Variants in KCNA7 observed in about 807,000 individuals in gnomAD.
KCNA7 encodes potassium voltage-gated channel subfamily A member 7.
Under a neutral mutation model 21.5 loss-of-function variants are expected in KCNA7, and 15 were observed. That is an observed-to-expected ratio of 0.70 (90% CI 0.47 to 1.07). KCNA7 has a LOEUF of 1.07. KCNA7 is among the 50% of genes least tolerant of loss of function. The pLI is 0.00. For missense variants in KCNA7, 640 were observed against 651.6 expected (o/e 0.98, Z 0.19); for synonymous variants, 298 against 291.0 (o/e 1.02, Z -0.24).
rs1356006673 is a variant in KCNA7 at position 49,067,517 on chromosome 19, A to G, written c.*2546T>C. 1 of 152,238 alleles carries G rather than the reference A, an allele frequency of 6.6e-6. No individual in the cohort carries two copies. Among genetic ancestry groups the G allele is most frequent in the Middle Eastern group, 3.2e-3 (1 of 316 alleles). 9.4% of individuals were successfully genotyped at this position (152,238 alleles called of 1,614,324 possible). A position where few individuals can be genotyped will look rare whatever the true frequency, so the allele number is the denominator to read the frequency against. ...CTCTAAATGCCCTTTGAGTTCTGAA[A>G]GATTTCTGAAAATGTTCGGCCTTGT... On this transcript the variant is annotated 3_prime_UTR_variant, in exon 2 of 2. Coordinates refer to ENST00000221444, the MANE Select transcript of KCNA7 (RefSeq NM_031886.3).
In KCNA7 at chr19:49,072,227, A is replaced by G; in HGVS notation, c.359T>C (p.Leu120Pro). 1 of 1,601,416 alleles carries G rather than the reference A, an allele frequency of 6.2e-7. No individual in the cohort carries two copies. The highest frequency in any genetic ancestry group is 8.5e-7 in the Non-Finnish European group (1 of 1,174,590). ...EGCPVPPERPLPRRAFARQLW... is the reference protein window; with the variant it reads ...EGCPVPPERPPPRRAFARQLW... ...CTGGCGGGCGAAGGCGCGGCGGGGCAGGGGGCGCTCGGGCGGCACCGGGCA... is the reference window on the plus strand; with the variant it reads ...CTGGCGGGCGAAGGCGCGGCGGGGCGGGGGGCGCTCGGGCGGCACCGGGCA... The change falls in exon 1 of 2, where the codon CTG becomes CCG. Residue 120 changes from leucine (L) to proline (P), a missense_variant. Coordinates refer to ENST00000221444, the MANE Select transcript of KCNA7 (RefSeq NM_031886.3).
At position 49,070,045 on chromosome 19, in the gene KCNA7, G is replaced by T. The variant is rs761166864; in HGVS notation, c.*18C>A. The T allele has an allele frequency of 1.3e-6, 2 of 1,565,724 alleles. No individual in the cohort carries two copies. The highest frequency in any genetic ancestry group is 2.3e-5 in the South Asian group (2 of 85,494). ...TCCCTCTAGGGAGGTGTGAGGTCCT[G>T]CAGACCTCAACTGTTCCTCACACTT... On this transcript the variant is annotated 3_prime_UTR_variant, in exon 2 of 2. Coordinates refer to ENST00000221444, the MANE Select transcript of KCNA7 (RefSeq NM_031886.3). The surrounding 1 kb of genome is among the most constrained non-coding windows in gnomAD (Gnocchi z 4.3).
In KCNA7 at chr19:49,070,936, C is replaced by T. The variant is rs2040253560; in HGVS notation, c.556-58G>A. ...GCTGGGGCTAGGACACGGGGACAGC[C>T]TTAATCATCATTTAAATACCCAGCT... On this transcript the variant is annotated intron_variant, in intron 1 of 1. Transcript: ENST00000221444. This position sits in a 1 kb window ranked among gnomAD's most constrained non-coding sequence, Gnocchi z 4.3. The T allele has an allele frequency of 7.0e-7, 1 of 1,419,038 alleles. No individual in the cohort carries two copies. The highest frequency in any genetic ancestry group is 1.4e-5 in the African/African-American group (1 of 69,552). The allele number at this position is 1,419,038 out of a possible 1,614,324, so 87.9% of individuals were successfully genotyped here.
Position 49,070,282 on chromosome 19 carries a change from C to A in KCNA7, c.1152G>T (p.Leu384=). 1 of 1,614,022 alleles carries A rather than the reference C, an allele frequency of 6.2e-7. No individual in the cohort carries two copies. Among genetic ancestry groups the A allele is most frequent in the Non-Finnish European group, 8.5e-7 (1 of 1,179,924 alleles). ...VGSLCAIAGV[L]TISLPVPVIV... The stretch of plus-strand genomic sequence containing the variant: ...TGACGGGCACTGGCAGGGAAATAGT[C>A]AGCACGCCCGCAATGGCACACAGAG... Residue 384 remains leucine, a synonymous_variant, in exon 2 of 2, where the codon CTG becomes CTT. Transcript: ENST00000221444. This position sits in a 1 kb window ranked among gnomAD's most constrained non-coding sequence, Gnocchi z 4.3.
At position 49,067,568 on chromosome 19, in the gene KCNA7, G is replaced by A. The variant is rs569053859; in HGVS notation, c.*2495C>T. The A allele has an allele frequency of 6.6e-6, 1 of 152,304 alleles. No homozygotes were observed. Among genetic ancestry groups the A allele is most frequent in the Admixed American group, 6.5e-5 (1 of 15,310 alleles). 9.4% of individuals were successfully genotyped at this position (152,304 alleles called of 1,614,324 possible). ...GACCTTGGGTAACACCTGCTGCTCT[G>A]AGCCTCAGTTTCCCCGTCTGTAAGA... On this transcript the variant is annotated 3_prime_UTR_variant, in exon 2 of 2. Coordinates refer to ENST00000221444, the MANE Select transcript of KCNA7 (RefSeq NM_031886.3).
rs1304541920 is a variant in KCNA7 at position 49,070,736 on chromosome 19, C to T, written c.698G>A (p.Ser233Asn). ...ELLVRLLVCP[S>N]KAIFFKNVMN... ...CACGTTCTTGAAGAAGATAGCCTTG[C>T]TTGGACAGACCAGGAGGCGTACCAG... Residue 233 changes from serine to asparagine, a missense_variant, in exon 2 of 2, where the codon AGC becomes AAC. Coordinates refer to ENST00000221444, the MANE Select transcript of KCNA7 (RefSeq NM_031886.3). The surrounding 1 kb of genome is among the most constrained non-coding windows in gnomAD (Gnocchi z 4.3). The T allele has an allele frequency of 3.1e-6, 5 of 1,614,058 alleles. No homozygotes were observed. The Admixed American group carries it at 8.3e-5, about 27-fold the overall frequency.
intron 1 of KCNA7, 109 bp downstream of exon 1, chr19:49,071,922 C>G: frequency 3.9e-6 from 2 of 515,450 alleles, no homozygotes; most frequent in Non-Finnish European, 6.2e-6. Context: ...CTTCGGCTGG[C>G]CCACCCCTCG....
rs886849792 is a variant in KCNA7 at position 49,072,627 on chromosome 19, C to T, written c.-42G>A. 4 of 1,114,236 alleles carry T rather than the reference C, an allele frequency of 3.6e-6. No homozygotes were observed. In the African/African-American group the frequency reaches 6.7e-5, roughly 19 times the overall value. 69.0% of individuals were successfully genotyped at this position (1,114,236 alleles called of 1,614,324 possible). The stretch of plus-strand genomic sequence containing the variant: ...GCGACCCGCGAACCGACGTGTGGCC[C>T]CGACGCCCGGCCCCGGTGCGGCCCC... On this transcript the variant is annotated 5_prime_UTR_variant, in exon 1 of 2. Coordinates refer to ENST00000221444, the MANE Select transcript of KCNA7 (RefSeq NM_031886.3).
rs1197217627 is a variant in KCNA7, at chr19:49,070,498, C to T, written c.936G>A (p.Leu312=). 1 of 1,614,030 alleles carries T rather than the reference C, an allele frequency of 6.2e-7. No individual in the cohort carries two copies. Among genetic ancestry groups the T allele is most frequent in the East Asian group, 2.2e-5 (1 of 44,888 alleles). Residue 312 remains leucine, a synonymous_variant, in exon 2 of 2, where the codon CTG becomes CTA. Transcript: ENST00000221444. This position sits in a 1 kb window ranked among gnomAD's most constrained non-coding sequence, Gnocchi z 4.3. The part of the protein sequence containing the change: ...GQTLRASMRE[L]GLLIFFLFIG... ...TGAAGAGGAAAAAGATGAGGAGGCC[C>T]AGCTCACGCATGGAGGCCCGAAGCG...
intron 1 of KCNA7, among the ~76,000 whole-genome samples, chr19:49,071,440 C>T (rs980173131): frequency 6.6e-6 from 1 of 152,090 alleles, no homozygotes; most frequent in Non-Finnish European, 1.5e-5. Flanking sequence ...CCTGTAATCC[C>T]AGCTACTTGG....
Position 49,072,507 on chromosome 19 carries a change from G to T in KCNA7, c.79C>A (p.Arg27=). The T allele has an allele frequency of 1.4e-6, 2 of 1,480,550 alleles. No individual in the cohort carries two copies. The highest frequency in any genetic ancestry group is 1.8e-6 in the Non-Finnish European group (2 of 1,126,442). The allele number at this position is 1,480,550 out of a possible 1,614,324, so 91.7% of individuals were successfully genotyped here. ...GGGAAGCGGCCCAGCGTGCGCGCCC[G>T]CGTCTCGAAGCGCAGCCCGGCCACG... ...LNVAGLRFET[R]ARTLGRFPDT... The change falls in exon 1 of 2, where the codon CGG becomes AGG. Residue 27 remains arginine (R), a synonymous_variant. Transcript: ENST00000221444.
Position 49,070,650 on chromosome 19 carries a change from C to T in KCNA7, c.784G>A (p.Ala262Thr), listed in dbSNP as rs201167999. ...TGCTGGCCCACCCCTCGCTGCCGGG[C>T]CAGCTCGGTGCCCAGTGCCACAAAG... ...PYFVALGTEL[A>T]RQRGVGQQAM... Residue 262 changes from alanine (A) to threonine (T), a missense_variant, in exon 2 of 2, where the codon GCC becomes ACC. Coordinates refer to ENST00000221444, the MANE Select transcript of KCNA7 (RefSeq NM_031886.3). The surrounding 1 kb of genome is among the most constrained non-coding windows in gnomAD (Gnocchi z 4.3). 188 of 1,614,156 alleles carry T rather than the reference C, an allele frequency of 1.2e-4. 1 individual carries two copies. In the Middle Eastern group the frequency reaches 5.9e-3, roughly 51 times the overall value.
Position 49,069,742 on chromosome 19 carries a change from T to C in KCNA7, c.*321A>G. On this transcript the variant is annotated 3_prime_UTR_variant, in exon 2 of 2. Coordinates refer to ENST00000221444, the MANE Select transcript of KCNA7 (RefSeq NM_031886.3). ...CAAACCCAACACTGACCTAGGAAAC[T>C]CACAAAATGATACGACCAAACCTAT... The C allele has an allele frequency of 3.4e-6, 1 of 291,724 alleles. No individual in the cohort carries two copies. The highest frequency in any genetic ancestry group is 6.5e-6 in the Non-Finnish European group (1 of 154,920). 18.1% of individuals were successfully genotyped at this position (291,724 alleles called of 1,614,324 possible). A position where few individuals can be genotyped will look rare whatever the true frequency, so the allele number is the denominator to read the frequency against.
rs140859881 is a variant in KCNA7, at chr19:49,068,868, T to C, written c.*1195A>G. 4.6e-5 allele frequency: 7 copies of C among 152,378 alleles called. No homozygotes were observed. The highest frequency in any genetic ancestry group is 1.0e-4 in the Non-Finnish European group (7 of 68,086). 9.4% of individuals were successfully genotyped at this position (152,378 alleles called of 1,614,324 possible). ...CCCCCTCTCCCCTTTCCCTTGTGGC[T>C]CTGACCTCCATGTCTGAGCATAAAA... On this transcript the variant is annotated 3_prime_UTR_variant, in exon 2 of 2. Coordinates refer to ENST00000221444, the MANE Select transcript of KCNA7 (RefSeq NM_031886.3).
At position 49,072,140 on chromosome 19, in the gene KCNA7, G is replaced by A; in HGVS notation, c.446C>T (p.Ser149Phe). The A allele has an allele frequency of 6.2e-7, 1 of 1,612,402 alleles. No homozygotes were observed. Among genetic ancestry groups the A allele is most frequent in the Non-Finnish European group, 8.5e-7 (1 of 1,179,702 alleles). ...GATGGAGACGAGGATGACCAGCACG[G>A]AGACTACGGCGAGCACGCGCGCGGC... ...SQAARVLAVV[S>F]VLVILVSIVV... is the part of the protein sequence containing the mutation. The change falls in exon 1 of 2, where the codon TCC (serine) becomes TTC (phenylalanine). Residue 149 changes from serine to phenylalanine, a missense_variant. By Grantham distance (155) the Ser-to-Phe change is radical (BLOSUM62 -2). Coordinates refer to ENST00000221444, the MANE Select transcript of KCNA7 (RefSeq NM_031886.3).
rs1297059413 is a variant in KCNA7, at chr19:49,070,077, C to T, written c.1357G>A (p.Val453Ile). 6 of 1,606,554 alleles carry T rather than the reference C, an allele frequency of 3.7e-6. No individual in the cohort carries two copies. The highest frequency in any genetic ancestry group is 3.4e-6 in the Non-Finnish European group (4 of 1,174,998). Residue 453 changes from valine to isoleucine, a missense_variant, in exon 2 of 2, where the codon GTC becomes ATC. Coordinates refer to ENST00000221444, the MANE Select transcript of KCNA7 (RefSeq NM_031886.3). The surrounding 1 kb of genome is among the most constrained non-coding windows in gnomAD (Gnocchi z 4.3). ...PLWAPPGKHLVTEV is the reference protein window; with the variant it reads ...PLWAPPGKHLITEV ...TCAACTGTTCCTCACACTTCGGTGA[C>T]CAGGTGTTTCCCTGGGGGTGCCCAG...
rs1185904019 is a variant in KCNA7 at position 49,070,670 on chromosome 19, A to G, written c.764T>C (p.Val255Ala). 1 of 1,614,178 alleles carries G rather than the reference A, an allele frequency of 6.2e-7. No homozygotes were observed. Among genetic ancestry groups the G allele is most frequent in the South Asian group, 1.1e-5 (1 of 91,072 alleles). Reference protein sequence around the residue: ...IDFVAILPYFVALGTELARQR... With the variant: ...IDFVAILPYFAALGTELARQR... Reference sequence around the variant, plus strand: ...CCGGGCCAGCTCGGTGCCCAGTGCCACAAAGTAGGGAAGGATAGCCACAAA... The same window carrying G: ...CCGGGCCAGCTCGGTGCCCAGTGCCGCAAAGTAGGGAAGGATAGCCACAAA... Residue 255 changes from valine to alanine, a missense_variant, in exon 2 of 2, where the codon GTG becomes GCG. Physicochemically the swap from Val to Ala is moderately conservative, Grantham distance 64. Transcript: ENST00000221444. The surrounding 1 kb of genome is among the most constrained non-coding windows in gnomAD (Gnocchi z 4.3).
chr19:49,072,360 C>G lies in KCNA7; in HGVS notation c.226G>C (p.Gly76Arg). ...DAVLYYYQSG[G>R]RLRRPAHVPL... ...ACGTGCGCCGGCCGCCGCAGCCGCC[C>G]ACCGGACTGGTAGTAGTAGAGCACG... The change falls in exon 1 of 2, where the codon GGG becomes CGG. Residue 76 changes from glycine (G) to arginine (R), a missense_variant. Coordinates refer to ENST00000221444, the MANE Select transcript of KCNA7 (RefSeq NM_031886.3). The G allele has an allele frequency of 1.3e-6, 2 of 1,595,442 alleles. No homozygotes were observed. The highest frequency in any genetic ancestry group is 1.7e-6 in the Non-Finnish European group (2 of 1,175,472).
rs779926566 is a variant in KCNA7 at position 49,068,796 on chromosome 19, C to T, written c.*1267G>A. On this transcript the variant is annotated 3_prime_UTR_variant, in exon 2 of 2. Transcript: ENST00000221444. The stretch of plus-strand genomic sequence containing the variant: ...CTTTTTCTGGGTCTCTTTCTCTATC[C>T]TTTTGGCTCTGTCCCTCTATCATGT... 7.9e-5 allele frequency: 12 copies of T among 152,326 alleles called. No individual in the cohort carries two copies. The highest frequency in any genetic ancestry group is 1.3e-4 in the Non-Finnish European group (9 of 68,158). The allele number at this position is 152,326 out of a possible 1,614,324, so 9.4% of individuals were successfully genotyped here.
Sources: allele counts gnomAD v4.1 joint callset (sites outside exome capture counted in the v4.1 genomes callset), GRCh38; gene constraint gnomAD v4.1.1; non-coding constraint Gnocchi (gnomAD v3.1); transcripts MANE v1.5; gene names NCBI Gene and HGNC (gene_info 2026-07-23, HGNC 2026-07-21).